The following OPCML variants were observed in gnomAD, a reference collection of about 807,000 sequenced individuals.
The protein encoded by OPCML is opioid-binding protein/cell adhesion molecule.
OPCML carries 13 observed loss-of-function variants against 37.8 expected under a neutral mutation model. The ratio of observed to expected loss-of-function variants is 0.34; its 90% CI spans 0.22 to 0.55. The LOEUF is 0.55. OPCML is among the 20% of genes least tolerant of loss of function. OPCML has a pLI of 0.91. For synonymous variants in OPCML, 176 were observed against 168.8 expected (o/e 1.04, Z -0.33); for missense variants, 341 against 435.6 (o/e 0.78, Z 1.93).
chr11:133,035,876 C>T (rs1265981255), intron 1 of OPCML, among the ~76,000 whole-genome samples: 1 of 151,906 alleles, frequency 6.6e-6, no homozygotes, highest in Non-Finnish European at 1.5e-5. Context: ...GGCGCAGCGG[C>T]ACAGACAACA....
intron 4 of OPCML, among the ~76,000 whole-genome samples, chr11:132,511,016 G>A (rs1242770435): frequency 6.6e-6 from 1 of 152,090 alleles, no homozygotes. Context: ...ATACTGACTG[G>A]TATGAAAGAG....
intron 1 of OPCML, among the ~76,000 whole-genome samples, chr11:133,486,517 C>T (rs935565278): frequency 5.9e-5 from 9 of 152,078 alleles, no homozygotes; most frequent in African/African-American, 2.2e-4. Context: ...TATTCCAATG[C>T]TTGCTCCTTC....
At chr11:133,461,365 A>G (rs913272956) in intron 1 of OPCML, among the ~76,000 whole-genome samples, 2 of 151,922 alleles carry the variant, frequency 1.3e-5, no homozygotes, top group Non-Finnish European at 2.9e-5. Flanking sequence ...AAACACTGTT[A>G]GAATTAATAA....
chr11:133,126,670 A>G (rs1366067467), intron 1 of OPCML, among the ~76,000 whole-genome samples: 1 of 152,170 alleles, frequency 6.6e-6, no homozygotes, highest in Non-Finnish European at 1.5e-5. Flanking sequence ...CCATATAAGC[A>G]GCCACTATTG....
intron 1 of OPCML, among the ~76,000 whole-genome samples, chr11:133,267,116 G>A (rs375852757): frequency 2.6e-5 from 4 of 152,120 alleles, no homozygotes; most frequent in South Asian, 2.1e-4. Flanking sequence ...CTTTGTAGGC[G>A]GTGGAATGCA....
chr11:132,472,345 T>C (rs1348904355), intron 4 of OPCML, among the ~76,000 whole-genome samples: 4 of 152,192 alleles, frequency 2.6e-5, no homozygotes, highest in African/African-American at 9.6e-5. Context: ...CAAATGGTTC[T>C]AGTTTGTGTC....
intron 1 of OPCML, among the ~76,000 whole-genome samples, chr11:133,096,299 G>T (rs1415103061): frequency 2.0e-5 from 3 of 151,858 alleles, no homozygotes; most frequent in African/African-American, 7.3e-5. Flanking sequence ...TATTAAAGTT[G>T]ACATAAATTA....
At chr11:133,189,662 A>G (rs1384946180) in intron 1 of OPCML, among the ~76,000 whole-genome samples, 1 of 152,170 alleles carries the variant, frequency 6.6e-6, no homozygotes, top group African/African-American at 2.4e-5. Flanking sequence ...ATAATTCCCT[A>G]TATGAAACTC....
intron 3 of OPCML, among the ~76,000 whole-genome samples, chr11:132,613,651 A>G (rs1938804057): frequency 6.6e-6 from 1 of 152,208 alleles, no homozygotes; most frequent in African/African-American, 2.4e-5. Context: ...ATGAAATAAT[A>G]TAATGGCCTT....
intron 1 of OPCML, among the ~76,000 whole-genome samples, chr11:133,384,612 C>T (rs1432176196): frequency 1.3e-5 from 2 of 152,212 alleles, no homozygotes; most frequent in East Asian, 1.9e-4. Flanking sequence ...TAGCTCTTGT[C>T]GCTTGTCCCC....
chr11:132,845,221 G>A (rs945527509), intron 2 of OPCML, among the ~76,000 whole-genome samples: 2 of 148,810 alleles, frequency 1.3e-5, no homozygotes, highest in African/African-American at 5.0e-5. Flanking sequence ...AAATTTATTT[G>A]TGATTTTTTT....
intron 2 of OPCML, among the ~76,000 whole-genome samples, chr11:132,674,411 G>A (rs1942613512): frequency 6.6e-6 from 1 of 152,178 alleles, no homozygotes; most frequent in African/African-American, 2.4e-5. Flanking sequence ...ACCATTGAAG[G>A]CTGAACTTTT....
intron 2 of OPCML, among the ~76,000 whole-genome samples, chr11:132,714,940 AG>A (rs1944413156): frequency 6.6e-6 from 1 of 152,164 alleles, no homozygotes; most frequent in African/African-American, 2.4e-5. Flanking sequence ...CACAGTGCAA[AG>A]GAAGGGAGGG....
At chr11:133,191,512 T>G (rs1213186907) in intron 1 of OPCML, among the ~76,000 whole-genome samples, 1 of 150,988 alleles carries the variant, frequency 6.6e-6, no homozygotes, top group East Asian at 1.9e-4. Context: ...TGGGTGTGTG[T>G]GTGTGTGTGT....
At chr11:133,271,147 G>A (rs551206698) in intron 1 of OPCML, among the ~76,000 whole-genome samples, 111 of 152,244 alleles carry the variant, frequency 7.3e-4, no homozygotes, top group African/African-American at 2.1e-3. Flanking sequence ...CCCTTTGTGC[G>A]TCTAAATTCC....
rs574017569 is a variant in OPCML, at chr11:133,388,601, G to A, written c.61+143663C>T. On this transcript the variant is annotated intron_variant, in intron 1 of 7. Transcript: ENST00000524381. ...GGGTGTTCAGCCAGGAATGTTGAACGTACTGCAACTATAGGAACCAGGAGG... is the reference window on the plus strand; with the variant it reads ...GGGTGTTCAGCCAGGAATGTTGAACATACTGCAACTATAGGAACCAGGAGG... 5.3e-5 allele frequency among the ~76,000 whole-genome samples: 8 copies of A among 152,282 alleles called. No individual in the cohort carries two copies. In the South Asian group the frequency reaches 8.3e-4, roughly 16 times the overall value.
chr11:132,890,227 C>T (rs1460728436), intron 2 of OPCML, among the ~76,000 whole-genome samples: 1 of 152,188 alleles, frequency 6.6e-6, no homozygotes, highest in South Asian at 2.1e-4. Context: ...ACCTTCTCTT[C>T]CACTTCAAAG....
chr11:132,854,983 A>G (rs1327076211), intron 2 of OPCML, among the ~76,000 whole-genome samples: 1 of 152,228 alleles, frequency 6.6e-6, no homozygotes, highest in East Asian at 1.9e-4. Flanking sequence ...GAAACTCCCT[A>G]AAACTATTCC....
intron 1 of OPCML, chr11:133,008,524 G>GAGCCTTCCACAGC: frequency 1.3e-6 from 1 of 758,776 alleles, no homozygotes; most frequent in Non-Finnish European, 1.6e-6. Context: ...TATTCGCTGT[G>GAGCCTTCCACAGC]GAAGGCTCCC....
Sources: gnomAD v4.1 joint callset for allele counts (sites outside exome capture counted in the v4.1 genomes callset) on GRCh38, gnomAD v4.1.1 for gene constraint, MANE v1.5 for transcripts, NCBI Gene and HGNC (gene_info 2026-07-23, HGNC 2026-07-21) for gene names.